CACNA1D: variants seen among roughly 807,000 people sequenced by gnomAD.
The protein encoded by CACNA1D is voltage-dependent L-type calcium channel subunit alpha-1D.
A neutral mutation model predicts 257.1 loss-of-function variants in CACNA1D; 55 were observed. The observed-to-expected ratio is 0.21, with a 90% CI of 0.17 to 0.27. CACNA1D has a LOEUF of 0.27. CACNA1D is among the 10% of genes least tolerant of loss of function. CACNA1D has a pLI of 1.00. For missense variants in CACNA1D, 1,876 were observed against 2,784.0 expected, an observed-to-expected ratio of 0.67 and a Z score of 7.34; for synonymous variants, 980 against 1,014.9, an observed-to-expected ratio of 0.97 and a Z score of 0.65.
chr3:53,811,733 T>C lies in CACNA1D; in HGVS notation c.*327T>C. 4.7e-6 allele frequency: 1 copy of C among 214,724 alleles called. No homozygotes were observed. Among genetic ancestry groups the C allele is most frequent in the East Asian group, 1.0e-4 (1 of 9,918 alleles). 13.3% of individuals were successfully genotyped at this position (214,724 alleles called of 1,614,324 possible). On this transcript the variant is annotated 3_prime_UTR_variant, in exon 48 of 48. Coordinates refer to ENST00000350061, the MANE Select transcript of CACNA1D (RefSeq NM_001128840.3). This position sits in a 1 kb window ranked among gnomAD's most constrained non-coding sequence, Gnocchi z 4.2. The stretch of plus-strand genomic sequence containing the variant: ...ACTGCTGTGGAGTCTGCTTCTCCCA[T>C]GTACCAGGGCACCAGGCCCACCCAA...
At chr3:53,732,346 C>T (rs2095002884) in intron 18 of CACNA1D, among the ~76,000 whole-genome samples, 1 of 152,214 alleles carries the variant, frequency 6.6e-6, no homozygotes, top group Non-Finnish European at 1.5e-5. Flanking sequence ...AGGAGGCCCC[C>T]CGGTGTTAGC....
At chr3:53,566,812 A>T (rs943432794) in intron 3 of CACNA1D, among the ~76,000 whole-genome samples, 3 of 152,126 alleles carry the variant, frequency 2.0e-5, no homozygotes, top group Admixed American at 2.0e-4. Flanking sequence ...CAGCTCTTCC[A>T]TGAGTATTCT....
At chr3:53,498,899 G>C (rs1381261777) in intron 2 of CACNA1D, among the ~76,000 whole-genome samples, 1 of 152,180 alleles carries the variant, frequency 6.6e-6, no homozygotes, top group Non-Finnish European at 1.5e-5. Context: ...TCACATAGCT[G>C]GGGTTGTGTG....
At chr3:53,775,394 T>TG (rs968778776) in intron 34 of CACNA1D, among the ~76,000 whole-genome samples, 12 of 152,048 alleles carry the variant, frequency 7.9e-5, no homozygotes, top group Admixed American at 7.9e-4. Flanking sequence ...CCAGGCAACA[T>TG]GGCAAAACCT....
At chr3:53,594,373 A>G (rs922997602) in intron 3 of CACNA1D, among the ~76,000 whole-genome samples, 1 of 152,222 alleles carries the variant, frequency 6.6e-6, no homozygotes, top group Non-Finnish European at 1.5e-5. Context: ...TCCTCAGGCC[A>G]TGCTTTTCCA....
At chr3:53,756,787 T>G (rs915845968) in intron 29 of CACNA1D, among the ~76,000 whole-genome samples, 1 of 152,146 alleles carries the variant, frequency 6.6e-6, no homozygotes, top group African/African-American at 2.4e-5. Flanking sequence ...AGAGAGCACT[T>G]CTGTGGAGTA....
intron 37 of CACNA1D, among the ~76,000 whole-genome samples, chr3:53,779,407 A>ATGTGTG (rs139851282): frequency 4.0e-5 from 6 of 150,468 alleles, no homozygotes; most frequent in East Asian, 3.9e-4. Flanking sequence ...ATATGTATGT[A>ATGTGTG]TGTGTGTGTG....
At chr3:53,591,628 C>G (rs1650705791) in intron 3 of CACNA1D, among the ~76,000 whole-genome samples, 1 of 152,190 alleles carries the variant, frequency 6.6e-6, no homozygotes, top group African/African-American at 2.4e-5. Context: ...GTGTGTTGCT[C>G]TCTGTCCACT....
At position 53,686,671 on chromosome 3, in the gene CACNA1D, T is replaced by A. The variant is rs188649575; in HGVS notation, c.1220+13545T>A. Among the ~76,000 whole-genome samples the A allele has an allele frequency of 1.1e-4, 16 of 152,044 alleles. 1 individual carries two copies. The highest frequency in any genetic ancestry group is 3.9e-4 in the African/African-American group (16 of 41,532). On this transcript the variant is annotated intron_variant, in intron 8 of 47. Transcript: ENST00000350061. Reference sequence around the variant, plus strand: ...AAACTAAGAATATGCAAAAACTTCCTCAGCCTGAAAAAAAAACTATAGCTG... The same window carrying A: ...AAACTAAGAATATGCAAAAACTTCCACAGCCTGAAAAAAAAACTATAGCTG...
intron 3 of CACNA1D, among the ~76,000 whole-genome samples, chr3:53,565,952 C>G (rs1379954442): frequency 1.3e-5 from 2 of 152,226 alleles, no homozygotes; most frequent in Admixed American, 6.5e-5. Flanking sequence ...TATTGAGGCA[C>G]AAACTGCCCT....
chr3:53,702,696 C>T lies in CACNA1D; in HGVS notation c.1276C>T (p.Arg426Trp), dbSNP rs554225579. The T allele has an allele frequency of 6.2e-7, 1 of 1,614,102 alleles. No individual in the cohort carries two copies. The highest frequency in any genetic ancestry group is 1.3e-5 in the African/African-American group (1 of 75,018). The change falls in exon 9 of 48, where the codon CGG (arginine) becomes TGG (tryptophan). Residue 426 changes from arginine to tryptophan, a missense_variant. Arg to Trp is a moderately radical substitution (Grantham distance 101, BLOSUM62 -3). Around this residue, in one of 10 missense-constraint regions of CACNA1D, gnomAD observed 188 missense variants for 390.4 expected, o/e 0.48. Transcript: ENST00000350061. Reference sequence around the variant, plus strand: ...AGCACGGGGAGATTTCCAGAAGCTCCGGGAGAAGCAGCAGCTGGAGGAGGA... The same window carrying T: ...AGCACGGGGAGATTTCCAGAAGCTCTGGGAGAAGCAGCAGCTGGAGGAGGA... ...AKARGDFQKL[R>W]EKQQLEEDLK... is the part of the protein sequence containing the mutation.
At chr3:53,749,160 G>A (rs755074785) in intron 26 of CACNA1D, 108 bp from the exon 27 acceptor site, 15 of 781,580 alleles carry the variant, frequency 1.9e-5, no homozygotes, top group Non-Finnish European at 3.1e-5. Context: ...GGTTCCCAGC[G>A]AGTGCTCATG....
At chr3:53,647,460 C>T (rs952883085) in intron 3 of CACNA1D, among the ~76,000 whole-genome samples, 1 of 152,218 alleles carries the variant, frequency 6.6e-6, no homozygotes, top group Admixed American at 6.5e-5. Context: ...TCATCCTTGA[C>T]AGTGCTTCTT....
intron 37 of CACNA1D, among the ~76,000 whole-genome samples, chr3:53,778,056 A>C (rs2095407404): frequency 6.6e-6 from 1 of 152,198 alleles, no homozygotes; most frequent in Admixed American, 6.5e-5. Context: ...AACAGAGTCT[A>C]AAATATGTTT....
At chr3:53,808,818 T>G in intron 46 of CACNA1D, 48 bp downstream of exon 46, 1 of 1,594,590 alleles carries the variant, frequency 6.3e-7, no homozygotes, top group Non-Finnish European at 8.5e-7. Context: ...GCACCCCACA[T>G]AGGACCCCCA....
chr3:53,672,186 C>T (rs2094329431), intron 7 of CACNA1D, among the ~76,000 whole-genome samples: 1 of 152,168 alleles, frequency 6.6e-6, no homozygotes, highest in Non-Finnish European at 1.5e-5. Context: ...TCAGGCCACA[C>T]CCTTTCACCT....
chr3:53,646,057 A>T (rs1400495649), intron 3 of CACNA1D, among the ~76,000 whole-genome samples: 2 of 152,330 alleles, frequency 1.3e-5, no homozygotes, highest in East Asian at 3.9e-4. Flanking sequence ...AGGGAAGTTC[A>T]TGTCCATGGG....
At chr3:53,702,951 C>T in intron 9 of CACNA1D, 141 bp downstream of exon 9, 1 of 869,372 alleles carries the variant, frequency 1.2e-6, no homozygotes, top group Non-Finnish European at 1.9e-6. Flanking sequence ...TGCCTGCACA[C>T]ATCACGGAGA....
intron 3 of CACNA1D, among the ~76,000 whole-genome samples, chr3:53,506,068 C>T (rs890875876): frequency 6.6e-6 from 1 of 152,218 alleles, no homozygotes; most frequent in Non-Finnish European, 1.5e-5. Flanking sequence ...AATTTCATAA[C>T]CTGGCTCCTT....
Sources: allele counts gnomAD v4.1 joint callset (sites outside exome capture counted in the v4.1 genomes callset), GRCh38; gene constraint gnomAD v4.1.1; regional missense constraint gnomAD v4.1.1; non-coding constraint Gnocchi (gnomAD v3.1); transcripts MANE v1.5; gene names NCBI Gene and HGNC (gene_info 2026-07-23, HGNC 2026-07-21).